Variants in DIP2C observed in about 807,000 individuals in gnomAD.
DIP2C encodes DIP2 acetate--CoA ligase C (putative).
Under a neutral mutation model 192.4 loss-of-function variants are expected in DIP2C, and 33 were observed. That is an observed-to-expected ratio of 0.17 (90% CI 0.13 to 0.23). DIP2C has a LOEUF of 0.23. Among genes scored for constraint, DIP2C ranks in the 10% least tolerant of loss-of-function variants. The pLI is 1.00. For missense variants in DIP2C, 1,537 were observed against 2,110.1 expected (o/e 0.73, Z 5.32); for synonymous variants, 979 against 864.1 (o/e 1.13, Z -2.33).
chr10:522,335 A>AT (rs1331819326), intron 1 of DIP2C, among the ~76,000 whole-genome samples: 55 of 152,356 alleles, frequency 3.6e-4, no homozygotes, highest in Middle Eastern at 3.4e-3. Context: ...ACTGAAGGGC[A>AT]TCTTGGTTGC....
intron 1 of DIP2C, among the ~76,000 whole-genome samples, chr10:592,110 A>C (rs766239404): frequency 7.5e-4 from 115 of 152,340 alleles, no homozygotes; most frequent in African/African-American, 2.5e-3. Context: ...TTATAAACGT[A>C]TAATTAGACA....
At chr10:414,703 A>ATGTGTG (rs1491313586) in intron 7 of DIP2C, among the ~76,000 whole-genome samples, 3 of 86,378 alleles carry the variant, frequency 3.5e-5, no homozygotes, top group African/African-American at 1.5e-4. Context: ...TAGAGTGTGT[A>ATGTGTG]TGTATGTGTG....
intron 28 of DIP2C, among the ~76,000 whole-genome samples, chr10:343,774 G>A (rs550438885): frequency 1.1e-4 from 16 of 152,310 alleles, no homozygotes; most frequent in Middle Eastern, 6.8e-3. Context: ...ACTATTTCTA[G>A]GTGGAGAATT....
chr10:670,277 TAC>T (rs1830560893), intron 1 of DIP2C, among the ~76,000 whole-genome samples: 1 of 152,112 alleles, frequency 6.6e-6, no homozygotes, highest in South Asian at 2.1e-4. Context: ...CGCATGCATA[TAC>T]ACACGTACAC....
chr10:399,738 T>C (rs1368559389), intron 9 of DIP2C, among the ~76,000 whole-genome samples: 1 of 152,154 alleles, frequency 6.6e-6, no homozygotes, highest in African/African-American at 2.4e-5. Flanking sequence ...AATGAGAGAA[T>C]GCACATAGAG....
rs1963358664 is a variant in DIP2C, at chr10:390,296, T to C, written c.1462A>G (p.Lys488Glu). 1 of 1,613,844 alleles carries C rather than the reference T, an allele frequency of 6.2e-7. No individual in the cohort carries two copies. Among genetic ancestry groups the C allele is most frequent in the African/African-American group, 1.3e-5 (1 of 74,844 alleles). ...TACGCAGTGTCGTTATTGGCATCTT[T>C]AATGTGTGGGAACCAGTCTCGGGGC... ...KPPRDWFPHI[K>E]DANNDTAYIE... The change falls in exon 12 of 37, where the codon AAA becomes GAA. Residue 488 changes from lysine to glutamate, a missense_variant. Coordinates refer to ENST00000280886, the MANE Select transcript of DIP2C (RefSeq NM_014974.3).
intron 1 of DIP2C, among the ~76,000 whole-genome samples, chr10:680,852 GAC>G (rs571417327): frequency 8.5e-5 from 13 of 152,366 alleles, no homozygotes; most frequent in Admixed American, 4.6e-4. Context: ...CAGAGGACCT[GAC>G]ACATGGTGCA....
intron 1 of DIP2C, among the ~76,000 whole-genome samples, chr10:596,872 C>CA (rs1173031133): frequency 6.6e-6 from 1 of 152,256 alleles, no homozygotes; most frequent in Non-Finnish European, 1.5e-5. Context: ...AATGAGCTTT[C>CA]AAGCTCACCA....
rs1855115827 is a variant in DIP2C, at chr10:640,579, G to A, written c.85+48915C>T. ...CGACAGACCCCGGGTAGACGCGACG[G>A]GGGACGAGGGTGCGTGCCGGGACGA... On this transcript the variant is annotated intron_variant, in intron 1 of 36. Transcript: ENST00000280886. Among the ~76,000 whole-genome samples the A allele has an allele frequency of 3.9e-5, 6 of 152,196 alleles. No homozygotes were observed. The South Asian group carries it at 1.0e-3, about 26-fold the overall frequency.
intron 1 of DIP2C, among the ~76,000 whole-genome samples, chr10:637,697 T>C (rs962531729): frequency 5.3e-5 from 8 of 152,228 alleles, no homozygotes; most frequent in African/African-American, 1.9e-4. Context: ...CATCATTTAA[T>C]TTTGTTTAAA....
chr10:357,712 G>A (rs759807297), intron 23 of DIP2C, 116 bp downstream of exon 23: 27 of 740,994 alleles, frequency 3.6e-5, no homozygotes, highest in Admixed American at 4.7e-5. Flanking sequence ...AGACACTGTC[G>A]CGGACTGTCA....
chr10:320,252 TAAAAG>T (rs1956948090), intron 31 of DIP2C, among the ~76,000 whole-genome samples: 1 of 152,144 alleles, frequency 6.6e-6, no homozygotes, highest in Admixed American at 6.5e-5. Context: ...GATTGGCACT[TAAAAG>T]AATCAACTTT....
chr10:614,038 G>A (rs1014529164), intron 1 of DIP2C, among the ~76,000 whole-genome samples: 7 of 152,290 alleles, frequency 4.6e-5, no homozygotes, highest in African/African-American at 9.6e-5. Context: ...GTCCTCCATG[G>A]CAGGACAGTC....
rs1366646945 is a variant in DIP2C at position 424,434 on chromosome 10, C to CA, written c.395-1402dup. Among the ~76,000 whole-genome samples the CA allele has an allele frequency of 7.3e-5, 10 of 137,498 alleles. No individual in the cohort carries two copies. The South Asian group carries it at 9.8e-4, about 14-fold the overall frequency. The allele number at this position is 137,498 out of a possible 152,430, so 90.2% of individuals were successfully genotyped here. A position where few individuals can be genotyped will look rare whatever the true frequency, so the allele number is the denominator to read the frequency against. On this transcript the variant is annotated intron_variant, in intron 4 of 36. Coordinates refer to ENST00000280886, the MANE Select transcript of DIP2C (RefSeq NM_014974.3). ...AGGCTGGAGAGCAGTGGCGCGATCT[C>CA]AGCTCACAATAACCTCTCACTCCCT...
intron 1 of DIP2C, among the ~76,000 whole-genome samples, chr10:595,599 G>A (rs1851654842): frequency 6.6e-6 from 1 of 152,034 alleles, no homozygotes; most frequent in African/African-American, 2.4e-5. Flanking sequence ...AACAAGGCAG[G>A]ACACAAACTT....
intron 7 of DIP2C, 76 bp downstream of exon 7, chr10:415,693 C>T: frequency 4.5e-6 from 7 of 1,571,196 alleles, no homozygotes; most frequent in Non-Finnish European, 6.1e-6. Context: ...GTAAAATAGC[C>T]TTGCAGAAAA....
In DIP2C at chr10:424,912, G is replaced by A. The variant is rs147895040; in HGVS notation, c.395-1879C>T. Among the ~76,000 whole-genome samples the A allele has an allele frequency of 3.7e-4, 56 of 152,218 alleles. 1 individual carries two copies. The East Asian group carries it at 6.9e-3, about 19-fold the overall frequency. On this transcript the variant is annotated intron_variant, in intron 4 of 36. Coordinates refer to ENST00000280886, the MANE Select transcript of DIP2C (RefSeq NM_014974.3). ...AAACCAAACAAACAGCATATGACACGGATGATACAGCATAACCAACGGTGA... is the reference window on the plus strand; with the variant it reads ...AAACCAAACAAACAGCATATGACACAGATGATACAGCATAACCAACGGTGA...
chr10:316,775 G>T (rs1002790409), intron 31 of DIP2C, among the ~76,000 whole-genome samples: 2 of 152,186 alleles, frequency 1.3e-5, no homozygotes, highest in African/African-American at 4.8e-5. Context: ...ACTCCCCTGG[G>T]ATTCTCATCT....
intron 33 of DIP2C, among the ~76,000 whole-genome samples, chr10:286,882 T>C (rs1438863243): frequency 1.3e-5 from 2 of 152,196 alleles, no homozygotes; most frequent in Non-Finnish European, 2.9e-5. Context: ...GACTCGAAGA[T>C]AACCCAAAAT....
Sources: gnomAD v4.1 joint callset for allele counts (sites outside exome capture counted in the v4.1 genomes callset) on GRCh38, gnomAD v4.1.1 for gene constraint, MANE v1.5 for transcripts, NCBI Gene and HGNC (gene_info 2026-07-23, HGNC 2026-07-21) for gene names.